The following TMEM63B variants were observed in gnomAD, a reference collection of about 807,000 sequenced individuals.
The protein encoded by TMEM63B is transmembrane protein 63B.
In TMEM63B, 23 loss-of-function variants were observed where a neutral mutation model predicts 102.6. That is an observed-to-expected ratio of 0.22 (90% confidence interval 0.16 to 0.32). The LOEUF is 0.32. Ranked by LOEUF, TMEM63B falls within the 10% of genes least tolerant of loss-of-function variation. The probability of loss-of-function intolerance (pLI) is 1.00; values close to 1 mark genes in which losing one functional copy is unlikely to be tolerated. For synonymous variants in TMEM63B, 444 were observed against 437.0 expected (o/e 1.02, Z -0.20); for missense variants, 628 against 1,095.9 (o/e 0.57, Z 6.03).
At chr6:44,138,579 A>G (rs922430331) in intron 6 of TMEM63B, 62 bp downstream of exon 6, 1 of 1,605,450 alleles carries the variant, frequency 6.2e-7, no homozygotes, top group East Asian at 2.2e-5. Flanking sequence ...GCATCTCCCT[A>G]CAAAATTCAG....
At position 44,137,611 on chromosome 6, in the gene TMEM63B, G is replaced by A. The variant is rs550230561; in HGVS notation, c.370-869G>A. Among the ~76,000 whole-genome samples, 10 of 152,246 alleles carry A rather than the reference G, an allele frequency of 6.6e-5. No homozygotes were observed. The South Asian group carries it at 1.9e-3, about 28-fold the overall frequency. On this transcript the variant is annotated intron_variant, in intron 5 of 23. Transcript: ENST00000323267. Reference sequence around the variant, plus strand: ...GGACCTTCTGCTGGATGGAGTTTGGGGCAGGGTGCCCTCTGCGCAGCCCTC... The same window carrying A: ...GGACCTTCTGCTGGATGGAGTTTGGAGCAGGGTGCCCTCTGCGCAGCCCTC...
chr6:44,154,045 A>G, intron 21 of TMEM63B, 28 bp from the exon 22 acceptor site: 1 of 1,605,862 alleles, frequency 6.2e-7, no homozygotes, highest in Non-Finnish European at 8.5e-7. Context: ...AGGAGATAGC[A>G]ACCCCATTCT....
Position 44,152,013 on chromosome 6 carries a change from G to A in TMEM63B, c.1836+5G>A, listed in dbSNP as rs775896012. ...GAGAGGCGCAACGTGAAGCGGGTACGGCCGCCTGGGGCAGCAGCGGCCCGC... is the reference window on the plus strand; with the variant it reads ...GAGAGGCGCAACGTGAAGCGGGTACAGCCGCCTGGGGCAGCAGCGGCCCGC... On this transcript the variant is annotated splice_donor_5th_base_variant and intron_variant, in intron 19 of 23. Transcript: ENST00000323267. The surrounding 1 kb of genome is among the most constrained non-coding windows in gnomAD (Gnocchi z 6.4). The A allele has an allele frequency of 3.1e-6, 5 of 1,597,530 alleles. No homozygotes were observed. The highest frequency in any genetic ancestry group is 1.8e-5 in the Admixed American group (1 of 55,780).
At chr6:44,134,288 C>T (rs1762501176) in intron 1 of TMEM63B, 1 of 408,862 alleles carries the variant, frequency 2.4e-6, no homozygotes, top group Non-Finnish European at 4.4e-6. Flanking sequence ...TCACAGATAC[C>T]TTCCAGCTTA....
Position 44,154,435 on chromosome 6 carries a change from C to T in TMEM63B, c.2297C>T (p.Pro766Leu), listed in dbSNP as rs757316670. The T allele has an allele frequency of 4.0e-5, 64 of 1,613,892 alleles. No individual in the cohort carries two copies. Among genetic ancestry groups the T allele is most frequent in the Admixed American group, 1.3e-4 (8 of 59,994 alleles). ...CGGCCCCCCACTGCTGCTGCTGTCC[C>T]CAAATCTGCGGTGAGTGCCCTCAAG... Reference protein sequence around the residue: ...NGRPPTAAAVPKSAKYIAQVL... With the variant: ...NGRPPTAAAVLKSAKYIAQVL... Residue 766 changes from proline to leucine, a missense_variant, in exon 23 of 24, where the codon CCC becomes CTC. Physicochemically the swap from Pro to Leu is moderately conservative, Grantham distance 98. Around this residue, in one of 6 missense-constraint regions of TMEM63B, gnomAD observed 129 missense variants for 153.5 expected, o/e 0.84. Coordinates refer to ENST00000323267, the MANE Select transcript of TMEM63B (RefSeq NM_018426.3).
chr6:44,136,563 G>T (rs1186685145), intron 5 of TMEM63B, 124 bp downstream of exon 5: 1 of 709,346 alleles, frequency 1.4e-6, no homozygotes, highest in Non-Finnish European at 2.4e-6. Context: ...CCTCAGCAAA[G>T]AAAGTGATTC....
At chr6:44,149,027 A>G in intron 15 of TMEM63B, 82 bp downstream of exon 15, 2 of 1,602,846 alleles carry the variant, frequency 1.2e-6, no homozygotes, top group Admixed American at 1.7e-5. Context: ...CCACTTGCCC[A>G]GCCCAGCCCG....
intron 8 of TMEM63B, 100 bp downstream of exon 8, chr6:44,139,859 G>C: frequency 6.8e-7 from 1 of 1,481,298 alleles, no homozygotes. Flanking sequence ...TGGGAGCAGA[G>C]CCTACAGGGA....
At chr6:44,137,872 T>C (rs960683221) in intron 5 of TMEM63B, among the ~76,000 whole-genome samples, 23 of 152,038 alleles carry the variant, frequency 1.5e-4, no homozygotes, top group African/African-American at 5.3e-4. Context: ...CTAATTTTTG[T>C]ATTTTTAGTA....
chr6:44,154,056 T>A lies in TMEM63B; in HGVS notation c.2111-17T>A. On this transcript the variant is annotated splice_polypyrimidine_tract_variant and intron_variant, in intron 21 of 23. Coordinates refer to ENST00000323267, the MANE Select transcript of TMEM63B (RefSeq NM_018426.3). ...CCACAGGAGATAGCAACCCCATTCT[T>A]TGCCCCCCAACACCAGGGTTCCTAG... is the stretch of plus-strand genomic sequence containing the variant. The A allele has an allele frequency of 6.2e-7, 1 of 1,612,336 alleles. No homozygotes were observed. Among genetic ancestry groups the A allele is most frequent in the Non-Finnish European group, 8.5e-7 (1 of 1,178,432 alleles).
At position 44,152,124 on chromosome 6, in the gene TMEM63B, A is replaced by G; in HGVS notation, c.1836+116A>G. 1.5e-6 allele frequency: 2 copies of G among 1,295,602 alleles called. No homozygotes were observed. The highest frequency in any genetic ancestry group is 2.6e-5 in the East Asian group (1 of 38,340). 80.3% of individuals were successfully genotyped at this position (1,295,602 alleles called of 1,614,324 possible). On this transcript the variant is annotated intron_variant, in intron 19 of 23. Transcript: ENST00000323267. This position sits in a 1 kb window ranked among gnomAD's most constrained non-coding sequence, Gnocchi z 6.4. The stretch of plus-strand genomic sequence containing the variant: ...AGGAGGGCTGAGACTTGGGGAGTAC[A>G]GTTGACTCACGGTGGATCCGGGCCA...
At position 44,135,151 on chromosome 6, in the gene TMEM63B, T is replaced by G. The variant is rs1562116644; in HGVS notation, c.239+55T>G. 1.9e-5 allele frequency: 30 copies of G among 1,602,330 alleles called. No individual in the cohort carries two copies. The South Asian group carries it at 2.5e-4, about 14-fold the overall frequency. On this transcript the variant is annotated intron_variant, in intron 3 of 23. Coordinates refer to ENST00000323267, the MANE Select transcript of TMEM63B (RefSeq NM_018426.3). ...TCCACACACACATCTTGTTCCACAC[T>G]CCTCAGGAATAGGAAGGAGCCAGCC...
intron 2 of TMEM63B, 68 bp from the exon 3 acceptor site, chr6:44,134,949 T>C: frequency 6.3e-7 from 1 of 1,585,414 alleles, no homozygotes; most frequent in South Asian, 1.1e-5. Flanking sequence ...GACCCTCTGC[T>C]TCTGCCCCCT....
At chr6:44,132,138 C>A in intron 1 of TMEM63B, 1 of 497,100 alleles carries the variant, frequency 2.0e-6, no homozygotes, top group Non-Finnish European at 2.6e-6. Context: ...GTGCAAGTTG[C>A]TTCCCCTACT....
At chr6:44,141,268 G>A (rs375770219) in intron 10 of TMEM63B, among the ~76,000 whole-genome samples, 170 bp downstream of exon 10, 1 of 152,160 alleles carries the variant, frequency 6.6e-6, no homozygotes, top group Non-Finnish European at 1.5e-5. Flanking sequence ...CTTGGGTCGG[G>A]TGATAGGCCC....
At chr6:44,134,318 T>G in intron 1 of TMEM63B, 2 of 479,748 alleles carry the variant, frequency 4.2e-6, no homozygotes, top group Non-Finnish European at 7.4e-6. Flanking sequence ...GCCTCCCCAG[T>G]CCAGGCCTGG....
chr6:44,128,502 C>A (rs1777658628), intron 1 of TMEM63B, among the ~76,000 whole-genome samples: 1 of 152,260 alleles, frequency 6.6e-6, no homozygotes, highest in Non-Finnish European at 1.5e-5. Context: ...ACCTTGTTCC[C>A]CAGAAAAGGA....
At position 44,148,951 on chromosome 6, in the gene TMEM63B, G is replaced by C. The variant is rs371183881; in HGVS notation, c.1413+6G>C. The C allele has an allele frequency of 6.2e-7, 1 of 1,613,874 alleles. No homozygotes were observed. The highest frequency in any genetic ancestry group is 1.3e-5 in the African/African-American group (1 of 74,842). ...AGCCTGTGGAGTACCTCAACGTGAG[G>C]CCTCATGCCCCTGTCACTTTCCACG... On this transcript the variant is annotated splice_donor_region_variant and intron_variant, in intron 15 of 23. Transcript: ENST00000323267. This position sits in a 1 kb window ranked among gnomAD's most constrained non-coding sequence, Gnocchi z 5.1.
intron 15 of TMEM63B, chr6:44,149,277 C>T: frequency 2.4e-6 from 1 of 413,288 alleles, no homozygotes; most frequent in Non-Finnish European, 4.6e-6. Flanking sequence ...TGGCTTTGGA[C>T]TTGGATTCTG....
Sources: allele counts gnomAD v4.1 joint callset (sites outside exome capture counted in the v4.1 genomes callset), GRCh38; gene constraint gnomAD v4.1.1; regional missense constraint gnomAD v4.1.1; non-coding constraint Gnocchi (gnomAD v3.1); transcripts MANE v1.5; gene names NCBI Gene and HGNC (gene_info 2026-07-23, HGNC 2026-07-21).